DNAJC13: variants seen among roughly 807,000 people sequenced by gnomAD.
DNAJC13 encodes dnaJ homolog subfamily C member 13.
In DNAJC13, 75 loss-of-function variants were observed where a neutral mutation model predicts 290.5. The ratio of observed to expected loss-of-function variants is 0.26; its 90% CI spans 0.21 to 0.31. The LOEUF (loss-of-function observed/expected upper bound fraction) is 0.31. DNAJC13 is among the 10% of genes least tolerant of loss of function. The pLI, the probability that DNAJC13 is intolerant of heterozygous loss-of-function variation, is 1.00. For synonymous variants in DNAJC13, 862 were observed against 892.0 expected (o/e 0.97, Z 0.60); for missense variants, 2,260 against 2,674.5 (o/e 0.85, Z 3.42).
chr3:132,450,655 C>T lies in DNAJC13; in HGVS notation c.345C>T (p.Asn115=). ...SEGKITGRRY[N]CYKHHWSDSR... ...ACTGATTCTGTCTTTAGAGATACAACTGCTATAAGCATCACTGGAGTGACT... is the reference window on the plus strand; with the variant it reads ...ACTGATTCTGTCTTTAGAGATACAATTGCTATAAGCATCACTGGAGTGACT... The change falls in exon 6 of 56, where the codon AAC becomes AAT. Residue 115 remains asparagine (N), a synonymous_variant. Transcript: ENST00000260818. The T allele has an allele frequency of 6.2e-7, 1 of 1,609,590 alleles. No homozygotes were observed. Among genetic ancestry groups the T allele is most frequent in the South Asian group, 1.1e-5 (1 of 90,506 alleles).
At chr3:132,494,568 T>G (rs1363767865) in intron 34 of DNAJC13, among the ~76,000 whole-genome samples, 1 of 152,200 alleles carries the variant, frequency 6.6e-6, no homozygotes, top group Non-Finnish European at 1.5e-5. Flanking sequence ...CTCTTCCTTT[T>G]GTAATTTGTA....
rs1286219390 is a variant in DNAJC13 at position 132,538,303 on chromosome 3, A to C, written c.*21A>C. ...CTTGAAATATTCACGAGAGACAATA[A>C]ACGCTGAAAGGCCAGTGCCAAGTCC... On this transcript the variant is annotated 3_prime_UTR_variant, in exon 56 of 56. Coordinates refer to ENST00000260818, the MANE Select transcript of DNAJC13 (RefSeq NM_015268.4). 6.2e-7 allele frequency: 1 copy of C among 1,601,572 alleles called. No homozygotes were observed. Among genetic ancestry groups the C allele is most frequent in the Non-Finnish European group, 8.5e-7 (1 of 1,170,880 alleles).
chr3:132,499,631 AT>A (rs771988721), intron 37 of DNAJC13, 102 bp from the exon 38 acceptor site: 25 of 990,954 alleles, frequency 2.5e-5, no homozygotes, highest in Middle Eastern at 2.2e-4. Context: ...TATGTATCAA[AT>A]ATTTAACATT....
chr3:132,514,962 A>G (rs1320640974), intron 46 of DNAJC13: 7 of 288,060 alleles, frequency 2.4e-5, no homozygotes, highest in Non-Finnish European at 4.6e-5. Flanking sequence ...CTAATATTTC[A>G]TGGTTTACTA....
intron 32 of DNAJC13, 151 bp from the exon 33 acceptor site, chr3:132,492,263 C>A: frequency 1.2e-6 from 1 of 859,630 alleles, no homozygotes; most frequent in South Asian, 1.7e-5. Context: ...ATAAAATGCC[C>A]AAAGTACCAT....
intron 55 of DNAJC13, among the ~76,000 whole-genome samples, chr3:132,536,415 A>C (rs1343548302): frequency 1.3e-5 from 2 of 152,184 alleles, no homozygotes; most frequent in African/African-American, 4.8e-5. Context: ...ACAGAGGGGC[A>C]AAGGGAATAA....
intron 43 of DNAJC13, among the ~76,000 whole-genome samples, chr3:132,508,403 T>C (rs1423568042): frequency 6.6e-6 from 1 of 152,232 alleles, no homozygotes; most frequent in Non-Finnish European, 1.5e-5. Context: ...ATCTAGGATT[T>C]AGCTAGAGAG....
chr3:132,523,471 T>G (rs1276079603), intron 50 of DNAJC13, 69 bp from the exon 51 acceptor site: 1 of 1,500,360 alleles, frequency 6.7e-7, no homozygotes, highest in Non-Finnish European at 9.0e-7. Flanking sequence ...AACAATTCTT[T>G]AATATGGTGT....
intron 2 of DNAJC13, among the ~76,000 whole-genome samples, chr3:132,439,172 A>G (rs74596213): frequency 6.6e-6 from 1 of 152,248 alleles, no homozygotes; most frequent in East Asian, 1.9e-4. Flanking sequence ...TCTAAACAGG[A>G]TTTTCACCTC....
chr3:132,534,096 C>T (rs1936513145), intron 55 of DNAJC13, among the ~76,000 whole-genome samples: 3 of 152,222 alleles, frequency 2.0e-5, no homozygotes, highest in African/African-American at 7.2e-5. Flanking sequence ...CCTGAGCCGG[C>T]TTAAGGGACA....
intron 3 of DNAJC13, 112 bp downstream of exon 3, chr3:132,446,662 A>G (rs544590039): frequency 3.0e-6 from 2 of 659,506 alleles, no homozygotes; most frequent in East Asian, 2.9e-5. Context: ...GAAATGTCAA[A>G]TCAGAAAGAG....
chr3:132,492,649 C>G (rs1221873525), intron 33 of DNAJC13, 34 bp downstream of exon 33: 1 of 1,591,334 alleles, frequency 6.3e-7, no homozygotes. Flanking sequence ...CCACCTTAAG[C>G]CATAAAAATA....
chr3:132,464,295 G>A (rs1933904892), intron 17 of DNAJC13, among the ~76,000 whole-genome samples: 1 of 152,106 alleles, frequency 6.6e-6, no homozygotes, highest in Non-Finnish European at 1.5e-5. Context: ...GTAATTAAAT[G>A]ATTCCCTTTT....
intron 34 of DNAJC13, among the ~76,000 whole-genome samples, chr3:132,494,574 T>G (rs1175670766): frequency 3.9e-5 from 6 of 152,150 alleles, no homozygotes; most frequent in African/African-American, 1.4e-4. Context: ...CTTTTGTAAT[T>G]TGTATTATGC....
At chr3:132,481,166 G>C (rs375577942) in intron 26 of DNAJC13, among the ~76,000 whole-genome samples, 1 of 152,184 alleles carries the variant, frequency 6.6e-6, no homozygotes, top group African/African-American at 2.4e-5. Flanking sequence ...CAGAGCTAGA[G>C]TTAAGACCCA....
At chr3:132,533,438 C>T (rs1392187533) in intron 55 of DNAJC13, among the ~76,000 whole-genome samples, 5 of 147,544 alleles carry the variant, frequency 3.4e-5, no homozygotes, top group Non-Finnish European at 5.9e-5. Context: ...CGGGTTCAAA[C>T]GATTCTCCTG....
chr3:132,447,153 A>G (rs566871416), intron 3 of DNAJC13, among the ~76,000 whole-genome samples, 168 bp from the exon 4 acceptor site: 54 of 152,248 alleles, frequency 3.5e-4, no homozygotes, highest in African/African-American at 1.2e-3. Context: ...TTCTGACTAA[A>G]AACCTTTAAA....
intron 55 of DNAJC13, chr3:132,537,018 T>C: frequency 2.4e-6 from 1 of 425,402 alleles, no homozygotes. Flanking sequence ...ACCAATACTT[T>C]TAAGGTCAAA....
rs1005962570 is a variant in DNAJC13, at chr3:132,523,143, T to A, written c.5844-14T>A. 5.0e-6 allele frequency: 8 copies of A among 1,611,980 alleles called. No homozygotes were observed. The highest frequency in any genetic ancestry group is 5.9e-6 in the Non-Finnish European group (7 of 1,178,432). ...GTGACTGAAGTTTGGTATCCATCCCTTTTTTTCCCCAAGGCACTTTAAAAA... is the reference window on the plus strand; with the variant it reads ...GTGACTGAAGTTTGGTATCCATCCCATTTTTTCCCCAAGGCACTTTAAAAA... On this transcript the variant is annotated splice_polypyrimidine_tract_variant and intron_variant, in intron 49 of 55. Coordinates refer to ENST00000260818, the MANE Select transcript of DNAJC13 (RefSeq NM_015268.4).
Sources: allele counts gnomAD v4.1 joint callset (sites outside exome capture counted in the v4.1 genomes callset), GRCh38; gene constraint gnomAD v4.1.1; transcripts MANE v1.5; gene names NCBI Gene and HGNC (gene_info 2026-07-23, HGNC 2026-07-21).